The following PKNOX2 variants were observed in gnomAD, a reference collection of about 807,000 sequenced individuals.
PKNOX2 encodes homeobox protein PKNOX2.
In PKNOX2, 14 loss-of-function variants were observed where a neutral mutation model predicts 53.1. That is an observed-to-expected ratio of 0.26 (90% CI 0.17 to 0.41). PKNOX2 has a LOEUF of 0.41. PKNOX2 is among the 10% of genes least tolerant of loss of function. The pLI, the probability that PKNOX2 is intolerant of heterozygous loss-of-function variation, is 1.00. For missense variants in PKNOX2, 496 were observed against 602.8 expected, an observed-to-expected ratio of 0.82 and a Z score of 1.85; for synonymous variants, 257 against 242.8, an observed-to-expected ratio of 1.06 and a Z score of -0.54.
chr11:125,368,109 C>A, intron 5 of PKNOX2, 124 bp downstream of exon 5: 2 of 1,200,982 alleles, frequency 1.7e-6, no homozygotes, highest in South Asian at 1.7e-5. Flanking sequence ...GCTATTCTCC[C>A]TTGGCCTCCT....
intron 2 of PKNOX2, among the ~76,000 whole-genome samples, chr11:125,313,028 C>T (rs987219772): frequency 1.3e-5 from 2 of 152,110 alleles, no homozygotes; most frequent in Non-Finnish European, 2.9e-5. Context: ...AGGCCCGTGT[C>T]ATGCTATCGC....
intron 11 of PKNOX2, 41 bp from the exon 12 acceptor site, chr11:125,429,922 C>T: frequency 6.3e-7 from 1 of 1,585,322 alleles, no homozygotes; most frequent in East Asian, 2.3e-5. Flanking sequence ...CAAGGCCATG[C>T]AGGTGATGAC....
At position 125,422,841 on chromosome 11, in the gene PKNOX2, C is replaced by T. The variant is rs566119193; in HGVS notation, c.937-6171C>T. The stretch of plus-strand genomic sequence containing the variant: ...AATAAAACCCATTTGAAAAAATGAG[C>T]GTATTTGTATGCTCACAGAAGGGGC... On this transcript the variant is annotated intron_variant, in intron 10 of 12. Transcript: ENST00000298282. This position sits in a 1 kb window ranked among gnomAD's most constrained non-coding sequence, Gnocchi z 4.1. Among the ~76,000 whole-genome samples the T allele has an allele frequency of 6.6e-6, 1 of 152,218 alleles. No individual in the cohort carries two copies. The highest frequency in any genetic ancestry group is 1.9e-4 in the East Asian group (1 of 5,184).
chr11:125,181,940 C>A (rs7123756), intron 1 of PKNOX2, among the ~76,000 whole-genome samples: 61,913 of 151,938 alleles, frequency 0.41, 12,693 homozygotes, highest in East Asian at 0.47. Context: ...CCAGTTCAAC[C>A]CAGACTGGCT....
chr11:125,370,769 C>T lies in PKNOX2; in HGVS notation c.227+2784C>T, dbSNP rs1243652905. Among the ~76,000 whole-genome samples, 1 of 152,214 alleles carries T rather than the reference C, an allele frequency of 6.6e-6. No individual in the cohort carries two copies. The highest frequency in any genetic ancestry group is 2.1e-4 in the South Asian group (1 of 4,832). The stretch of plus-strand genomic sequence containing the variant: ...GAGGGAGCTCAGCCTCCTGTAGGGT[C>T]GGGTAATTTTAATTAGATTTGCCTG... On this transcript the variant is annotated intron_variant, in intron 5 of 12. Transcript: ENST00000298282. The surrounding 1 kb of genome is among the most constrained non-coding windows in gnomAD (Gnocchi z 4.1).
chr11:125,367,085 A>G (rs924262900), intron 4 of PKNOX2, among the ~76,000 whole-genome samples: 4 of 152,262 alleles, frequency 2.6e-5, no homozygotes, highest in Admixed American at 6.5e-5. Context: ...ATAAAAAAGC[A>G]TGAAACTCCA....
At chr11:125,206,128 C>T (rs1033788136) in intron 1 of PKNOX2, among the ~76,000 whole-genome samples, 19 of 152,046 alleles carry the variant, frequency 1.2e-4, no homozygotes, top group Admixed American at 9.8e-4. Flanking sequence ...TCATACTCTG[C>T]AGGCGCACAG....
intron 1 of PKNOX2, among the ~76,000 whole-genome samples, chr11:125,189,630 C>T (rs972562684): frequency 1.3e-5 from 2 of 151,322 alleles, no homozygotes; most frequent in African/African-American, 4.9e-5. Flanking sequence ...TGCAGGTCTT[C>T]TCTTTAATGA....
chr11:125,288,806 C>G (rs980657875), intron 2 of PKNOX2, among the ~76,000 whole-genome samples: 1 of 152,214 alleles, frequency 6.6e-6, no homozygotes. Context: ...AGCATGCCCC[C>G]ACTCAACCCA....
At position 125,253,315 on chromosome 11, in the gene PKNOX2, A is replaced by G. The variant is rs562772108; in HGVS notation, c.-130+18200A>G. 1.2e-4 allele frequency among the ~76,000 whole-genome samples: 19 copies of G among 152,198 alleles called. No individual in the cohort carries two copies. In the South Asian group the frequency reaches 1.5e-3, roughly 12 times the overall value. ...TTTTTTCTGTCATAAAGAGGAGGAA[A>G]CAGAGGCACAGGGAGAAGTACGCAG... is the stretch of plus-strand genomic sequence containing the variant. On this transcript the variant is annotated intron_variant, in intron 2 of 12. Coordinates refer to ENST00000298282, the MANE Select transcript of PKNOX2 (RefSeq NM_001382323.2).
intron 1 of PKNOX2, among the ~76,000 whole-genome samples, chr11:125,181,325 C>T (rs967275727): frequency 1.4e-4 from 21 of 152,226 alleles, no homozygotes; most frequent in South Asian, 4.1e-4. Flanking sequence ...AGATGCATTA[C>T]GAGACAGTAG....
At chr11:125,349,234 C>A (rs1405349210) in intron 3 of PKNOX2, among the ~76,000 whole-genome samples, 1 of 151,986 alleles carries the variant, frequency 6.6e-6, no homozygotes, top group Non-Finnish European at 1.5e-5. Flanking sequence ...ATATCTTACC[C>A]CACCCCCACC....
In PKNOX2 at chr11:125,271,743, C is replaced by G. The variant is rs539508753; in HGVS notation, c.-130+36628C>G. On this transcript the variant is annotated intron_variant, in intron 2 of 12. Transcript: ENST00000298282. Reference sequence around the variant, plus strand: ...AGAAAAAAAAAAAATCCCCCAGGGTCCATAAGGAGCACCTCCTCCTTGGGC... The same window carrying G: ...AGAAAAAAAAAAAATCCCCCAGGGTGCATAAGGAGCACCTCCTCCTTGGGC... Among the ~76,000 whole-genome samples, 21 of 152,196 alleles carry G rather than the reference C, an allele frequency of 1.4e-4. No homozygotes were observed. In the South Asian group the frequency reaches 4.4e-3, roughly 32 times the overall value.
At position 125,194,020 on chromosome 11, in the gene PKNOX2, T is replaced by C. The variant is rs534113707; in HGVS notation, c.-201+29244T>C. Among the ~76,000 whole-genome samples the C allele has an allele frequency of 9.2e-5, 14 of 152,334 alleles. No individual in the cohort carries two copies. In the South Asian group the frequency reaches 2.9e-3, roughly 32 times the overall value. ...ATATCGAAGGGCTGGTTGGGAGCTA[T>C]TCCAAGCTCTGAGCTGCCGGCAGGG... On this transcript the variant is annotated intron_variant, in intron 1 of 12. Transcript: ENST00000298282.
At chr11:125,424,537 C>A (rs764561410) in intron 10 of PKNOX2, among the ~76,000 whole-genome samples, 6 of 152,136 alleles carry the variant, frequency 3.9e-5, no homozygotes, top group Admixed American at 2.0e-4. Flanking sequence ...GGCCCCACAG[C>A]TGTCAAGAGG....
At chr11:125,368,818 T>TGA (rs1201327242) in intron 5 of PKNOX2, among the ~76,000 whole-genome samples, 2 of 152,202 alleles carry the variant, frequency 1.3e-5, no homozygotes, top group African/African-American at 4.8e-5. Context: ...CAGGCCTGAA[T>TGA]GAGGCTCCTA....
At chr11:125,406,249 G>A (rs1451776674) in intron 7 of PKNOX2, among the ~76,000 whole-genome samples, 5 of 152,186 alleles carry the variant, frequency 3.3e-5, no homozygotes, top group Admixed American at 3.3e-4. Context: ...GACCCTCCTT[G>A]TCTCCATTCC....
intron 6 of PKNOX2, among the ~76,000 whole-genome samples, chr11:125,389,848 G>A (rs1436263808): frequency 2.0e-5 from 3 of 152,110 alleles, no homozygotes; most frequent in African/African-American, 2.4e-5. Flanking sequence ...TGAGACTCTG[G>A]TGTGGCTCGA....
intron 1 of PKNOX2, among the ~76,000 whole-genome samples, chr11:125,167,829 G>T (rs1047952218): frequency 7.9e-5 from 12 of 152,176 alleles, no homozygotes; most frequent in African/African-American, 2.9e-4. Flanking sequence ...GGAGCTTGCT[G>T]GATCCCACAT....
Sources: allele counts gnomAD v4.1 joint callset (sites outside exome capture counted in the v4.1 genomes callset), GRCh38; gene constraint gnomAD v4.1.1; non-coding constraint Gnocchi (gnomAD v3.1); transcripts MANE v1.5; gene names NCBI Gene and HGNC (gene_info 2026-07-23, HGNC 2026-07-21).